Variants in CDNF observed in about 807,000 individuals in gnomAD.
The protein encoded by CDNF is ARMET-like protein 1.
CDNF carries 9 observed loss-of-function variants against 14.8 expected under a neutral mutation model. The ratio of observed to expected loss-of-function variants is 0.61; its 90% CI spans 0.37 to 1.06. The LOEUF is 1.06. Ranked by LOEUF, CDNF falls within the 50% of genes least tolerant of loss-of-function variation. The probability of loss-of-function intolerance (pLI) is 0.01; values close to 1 mark genes in which losing one functional copy is unlikely to be tolerated. For missense variants in CDNF, 228 were observed against 228.4 expected (o/e 1.00, Z 0.01); for synonymous variants, 86 against 87.2 (o/e 0.99, Z 0.07).
intron 1 of CDNF, among the ~76,000 whole-genome samples, chr10:14,833,444 G>A (rs140268506): frequency 6.6e-6 from 1 of 152,092 alleles, no homozygotes; most frequent in East Asian, 1.9e-4. Context: ...TGCAGATTTT[G>A]GACTTCTCAG....
intron 2 of CDNF, 113 bp from the exon 3 acceptor site, chr10:14,825,733 T>C: frequency 8.7e-7 from 1 of 1,154,352 alleles, no homozygotes; most frequent in Non-Finnish European, 1.3e-6. Flanking sequence ...ACATGGTGGC[T>C]CACGCCTGTA....
chr10:14,824,930 G>A (rs1833766658), intron 3 of CDNF, among the ~76,000 whole-genome samples: 1 of 151,886 alleles, frequency 6.6e-6, no homozygotes, highest in African/African-American at 2.4e-5. Flanking sequence ...TGGTGTGTTA[G>A]GAGTCTAAAC....
chr10:14,832,067 G>A (rs1262780089), intron 1 of CDNF, among the ~76,000 whole-genome samples: 3 of 152,166 alleles, frequency 2.0e-5, no homozygotes. Flanking sequence ...AAAGGTATAC[G>A]TAGCAAAGAA....
chr10:14,828,313 C>A, intron 1 of CDNF, 41 bp from the exon 2 acceptor site: 1 of 1,603,656 alleles, frequency 6.2e-7, no homozygotes, highest in Admixed American at 1.7e-5. Flanking sequence ...CACAACTTAA[C>A]CACTACCACA....
At chr10:14,825,238 G>C (rs187444051) in intron 3 of CDNF, among the ~76,000 whole-genome samples, 49 of 152,276 alleles carry the variant, frequency 3.2e-4, no homozygotes, top group African/African-American at 9.9e-4. Context: ...TGAAAGGCCT[G>C]AGCCACCGCG....
chr10:14,835,540 C>G (rs987979544), intron 1 of CDNF, among the ~76,000 whole-genome samples: 1 of 152,196 alleles, frequency 6.6e-6, no homozygotes, highest in African/African-American at 2.4e-5. Context: ...AATGCCCTAA[C>G]AAATTAGTAG....
rs1425938484 is a variant in CDNF at position 14,826,436 on chromosome 10, AAAGAAGCAG to A, written c.244-825_244-817del. ...GCAGAAGCAGCAGAAGCAGCAGAAGAAAGAAGCAGAAGAAGCAGAAGAAGAAAGAAGCAG... is the reference window on the plus strand; with the variant it reads ...GCAGAAGCAGCAGAAGCAGCAGAAGAAAGAAGCAGAAGAAGAAAGAAGCAG... On this transcript the variant is annotated intron_variant, in intron 2 of 3. Transcript: ENST00000465530. Among the ~76,000 whole-genome samples the A allele has an allele frequency of 3.7e-3, 557 of 151,670 alleles. 1 individual carries two copies. The highest frequency in any genetic ancestry group is 6.8e-3 in the Non-Finnish European group (462 of 67,942).
At chr10:14,832,739 C>T (rs1270949230) in intron 1 of CDNF, among the ~76,000 whole-genome samples, 1 of 151,500 alleles carries the variant, frequency 6.6e-6, no homozygotes, top group Non-Finnish European at 1.5e-5. Flanking sequence ...AAGATAATCC[C>T]AATAATTTTG....
chr10:14,827,052 C>CAAAAAAAAAA (rs34308438), intron 2 of CDNF, among the ~76,000 whole-genome samples: 3 of 74,638 alleles, frequency 4.0e-5, no homozygotes, highest in African/African-American at 4.9e-5. Context: ...CCCGTCTCTA[C>CAAAAAAAAAA]AAAAAAAAAA....
chr10:14,827,645 C>A (rs1205706099), intron 2 of CDNF, among the ~76,000 whole-genome samples: 3 of 152,120 alleles, frequency 2.0e-5, no homozygotes, highest in Admixed American at 6.6e-5. Flanking sequence ...GTAATCCCAG[C>A]ACTTTGGGAG....
intron 3 of CDNF, among the ~76,000 whole-genome samples, chr10:14,824,940 C>G (rs1228686671): frequency 6.6e-6 from 1 of 151,790 alleles, no homozygotes; most frequent in Non-Finnish European, 1.5e-5. Context: ...GGAGTCTAAA[C>G]TCTGTGATTT....
chr10:14,820,212 C>T, intron 3 of CDNF, 54 bp from the exon 4 acceptor site: 1 of 1,562,030 alleles, frequency 6.4e-7, no homozygotes, highest in Non-Finnish European at 8.7e-7. Flanking sequence ...AAAAAAATCC[C>T]TATGAATCAC....
chr10:14,828,186 T>C lies in CDNF; in HGVS notation c.202A>G (p.Ile68Val). Residue 68 changes from isoleucine (I) to valine (V), a missense_variant, in exon 2 of 4, where the codon ATC becomes GTC. By Grantham distance (29) the Ile-to-Val change is conservative. Transcript: ENST00000465530. ...CCTTTGGTGTCCAAGCAAAAACTGA[T>C]CAATTCTTTCTCTATAGTGTCCAGC... is the stretch of plus-strand genomic sequence containing the variant. ...FSLDTIEKELISFCLDTKGKE... is the reference protein window; with the variant it reads ...FSLDTIEKELVSFCLDTKGKE... The C allele has an allele frequency of 1.2e-6, 2 of 1,613,992 alleles. No homozygotes were observed. The highest frequency in any genetic ancestry group is 1.7e-6 in the Non-Finnish European group (2 of 1,179,850).
chr10:14,833,467 T>A (rs978226642), intron 1 of CDNF, among the ~76,000 whole-genome samples: 1 of 152,192 alleles, frequency 6.6e-6, no homozygotes, highest in African/African-American at 2.4e-5. Flanking sequence ...TTCACAATCT[T>A]GTGAGCCAAT....
chr10:14,833,538 A>G (rs1407731055), intron 1 of CDNF, among the ~76,000 whole-genome samples: 1 of 152,190 alleles, frequency 6.6e-6, no homozygotes, highest in African/African-American at 2.4e-5. Flanking sequence ...AGATATATAG[A>G]TATAGATTAT....
At chr10:14,825,316 C>T (rs576546356) in intron 3 of CDNF, among the ~76,000 whole-genome samples, 163 bp downstream of exon 3, 43 of 152,232 alleles carry the variant, frequency 2.8e-4, no homozygotes, top group African/African-American at 9.4e-4. Flanking sequence ...CTTCCCTCAA[C>T]GAAACTCAAA....
intron 1 of CDNF, among the ~76,000 whole-genome samples, chr10:14,834,745 T>C (rs1358295991): frequency 6.6e-6 from 1 of 152,160 alleles, no homozygotes; most frequent in African/African-American, 2.4e-5. Context: ...TATCAGATAC[T>C]GTGGGAAAAC....
At chr10:14,824,624 A>C (rs1209045312) in intron 3 of CDNF, among the ~76,000 whole-genome samples, 2 of 151,552 alleles carry the variant, frequency 1.3e-5, no homozygotes, top group Non-Finnish European at 2.9e-5. Flanking sequence ...AAAAAAAAAA[A>C]AAAGGACATC....
chr10:14,820,636 G>A (rs1305188266), intron 3 of CDNF, among the ~76,000 whole-genome samples: 4 of 152,222 alleles, frequency 2.6e-5, no homozygotes, highest in South Asian at 2.1e-4. Flanking sequence ...GGGAGGCTGC[G>A]GCGGGAGAAT....
Sources: gnomAD v4.1 joint callset for allele counts (sites outside exome capture counted in the v4.1 genomes callset) on GRCh38, gnomAD v4.1.1 for gene constraint, MANE v1.5 for transcripts, NCBI Gene and HGNC (gene_info 2026-07-23, HGNC 2026-07-21) for gene names.